The following TFEC variants were observed in gnomAD, a reference collection of about 807,000 sequenced individuals.
TFEC encodes the protein transcription factor EC.
A neutral mutation model predicts 41.6 loss-of-function variants in TFEC; 31 were observed. The observed-to-expected ratio is 0.74, with a 90% CI of 0.56 to 1.01. The LOEUF is 1.01. TFEC is among the 50% of genes least tolerant of loss of function. The probability of loss-of-function intolerance (pLI) is 0.00; values close to 1 mark genes in which losing one functional copy is unlikely to be tolerated. For missense variants in TFEC, 402 were observed against 404.1 expected (o/e 0.99, Z 0.04); for synonymous variants, 143 against 140.6 (o/e 1.02, Z -0.12).
At chr7:115,994,034 C>A (rs1794245633) in intron 1 of TFEC, among the ~76,000 whole-genome samples, 1 of 151,940 alleles carries the variant, frequency 6.6e-6, no homozygotes, top group Non-Finnish European at 1.5e-5. Context: ...GAGAACAGAG[C>A]CCTCAGAAAT....
At chr7:116,150,538 A>C (rs1199418943) in intron 1 of TFEC, among the ~76,000 whole-genome samples, 1 of 151,896 alleles carries the variant, frequency 6.6e-6, no homozygotes, top group Non-Finnish European at 1.5e-5. Context: ...AAAAACTATG[A>C]CCTACCTTTC....
chr7:115,942,611 A>AT (rs917997916), intron 6 of TFEC, among the ~76,000 whole-genome samples: 3 of 151,864 alleles, frequency 2.0e-5, no homozygotes, highest in East Asian at 3.9e-4. Context: ...CCATTCAGTC[A>AT]TTTTTTTTCT....
At chr7:116,101,808 G>A (rs936409619) in intron 3 of TFEC, among the ~76,000 whole-genome samples, 1 of 152,124 alleles carries the variant, frequency 6.6e-6, no homozygotes, top group Non-Finnish European at 1.5e-5. Context: ...TCTGAAATGG[G>A]ATGCAAGTAA....
chr7:116,073,597 T>C (rs1422697921), intron 3 of TFEC, among the ~76,000 whole-genome samples: 1 of 151,886 alleles, frequency 6.6e-6, no homozygotes, highest in Non-Finnish European at 1.5e-5. Context: ...TCCACCAAGA[T>C]TTGAGAAAGT....
chr7:116,047,845 C>G (rs1437504082), intron 3 of TFEC, among the ~76,000 whole-genome samples: 1 of 152,118 alleles, frequency 6.6e-6, no homozygotes, highest in Admixed American at 6.6e-5. Flanking sequence ...CGTTCTGCAG[C>G]CTCCACTGGT....
intron 3 of TFEC, among the ~76,000 whole-genome samples, chr7:116,082,559 TAAAG>T (rs917116209): frequency 6.6e-5 from 10 of 152,022 alleles, no homozygotes; most frequent in African/African-American, 2.4e-4. Context: ...TGATCTAAAA[TAAAG>T]AAACTATGCT....
At chr7:116,076,491 A>G (rs1796963157) in intron 3 of TFEC, among the ~76,000 whole-genome samples, 1 of 152,146 alleles carries the variant, frequency 6.6e-6, no homozygotes. Flanking sequence ...GACGCCAGAG[A>G]AAAGTGAAGT....
chr7:116,130,165 T>C (rs927853341), intron 1 of TFEC, among the ~76,000 whole-genome samples: 4 of 152,006 alleles, frequency 2.6e-5, no homozygotes, highest in African/African-American at 9.7e-5. Flanking sequence ...TAACCAATTG[T>C]GGGGTGTGTT....
Position 115,995,940 on chromosome 7 carries a change from T to C in TFEC, c.-72-11427A>G, listed in dbSNP as rs558774729. Among the ~76,000 whole-genome samples the C allele has an allele frequency of 1.4e-4, 22 of 152,330 alleles. No homozygotes were observed. The East Asian group carries it at 3.9e-3, about 27-fold the overall frequency. ...ATTCCAGTGGTCAGAAGTTTAGTTC[T>C]TGCAAGTCTCACCACCATGGGTAAA... On this transcript the variant is annotated intron_variant, in intron 1 of 7. Coordinates refer to ENST00000265440, the MANE Select transcript of TFEC (RefSeq NM_012252.4).
chr7:115,965,514 C>T (rs185758349), intron 3 of TFEC, among the ~76,000 whole-genome samples: 115 of 151,508 alleles, frequency 7.6e-4, no homozygotes, highest in Non-Finnish European at 9.2e-4. Context: ...AAATAGCACC[C>T]TTTTTTTTCT....
chr7:116,075,531 TGG>T (rs1796937821), intron 3 of TFEC, among the ~76,000 whole-genome samples: 1 of 152,096 alleles, frequency 6.6e-6, no homozygotes, highest in African/African-American at 2.4e-5. Flanking sequence ...TTGGTGCTGT[TGG>T]GGGTGGGGCA....
intron 3 of TFEC, among the ~76,000 whole-genome samples, chr7:116,108,294 G>C (rs1797765676): frequency 6.6e-6 from 1 of 152,104 alleles, no homozygotes; most frequent in African/African-American, 2.4e-5. Context: ...AATAAAGCAA[G>C]TATTATTGAT....
At chr7:116,044,298 C>A (rs1488111138) in intron 3 of TFEC, among the ~76,000 whole-genome samples, 2 of 152,238 alleles carry the variant, frequency 1.3e-5, no homozygotes, top group African/African-American at 2.4e-5. Flanking sequence ...TGTGTTACCC[C>A]TTTTCTAATT....
chr7:116,041,785 T>TATGTG (rs1457916739), intron 3 of TFEC, among the ~76,000 whole-genome samples: 1 of 152,086 alleles, frequency 6.6e-6, no homozygotes, highest in Non-Finnish European at 1.5e-5. Context: ...CAGACACAGG[T>TATGTG]CTGAAACAAA....
At position 115,941,916 on chromosome 7, in the gene TFEC, T is replaced by C. The variant is rs1584544860; in HGVS notation, c.640A>G (p.Arg214Gly). 2 of 1,613,252 alleles carry C rather than the reference T, an allele frequency of 1.2e-6. No homozygotes were observed. The highest frequency in any genetic ancestry group is 1.7e-6 in the Non-Finnish European group (2 of 1,179,444). ...HRQKKLEQAN[R>G]RLLLRIQELE... ...ACCTGAATCCGAAGTAGAAGTCGCCTGTTAGCCTGCTCTAATTTCTTCTGT... is the reference window on the plus strand; with the variant it reads ...ACCTGAATCCGAAGTAGAAGTCGCCCGTTAGCCTGCTCTAATTTCTTCTGT... Residue 214 changes from arginine to glycine, a missense_variant, in exon 7 of 8, where the codon AGG (arginine) becomes GGG (glycine). Transcript: ENST00000265440.
At chr7:116,006,598 C>A (rs936125639) in intron 1 of TFEC, among the ~76,000 whole-genome samples, 1 of 152,016 alleles carries the variant, frequency 6.6e-6, no homozygotes, top group African/African-American at 2.4e-5. Context: ...GGCTCATAGG[C>A]GAAGGGACTT....
chr7:116,102,398 G>C (rs1459336228), intron 3 of TFEC, among the ~76,000 whole-genome samples: 2 of 152,180 alleles, frequency 1.3e-5, no homozygotes, highest in Admixed American at 6.6e-5. Context: ...GATGATGACT[G>C]ATCTCTGAGG....
chr7:116,093,335 G>A (rs1189272158), intron 3 of TFEC, among the ~76,000 whole-genome samples: 2 of 151,870 alleles, frequency 1.3e-5, no homozygotes, highest in African/African-American at 4.8e-5. Context: ...ATATTTCAAG[G>A]GCACACATAT....
At chr7:116,012,916 T>TA (rs1189724250) in intron 1 of TFEC, among the ~76,000 whole-genome samples, 1 of 151,874 alleles carries the variant, frequency 6.6e-6, no homozygotes, top group Non-Finnish European at 1.5e-5. Flanking sequence ...TATGGGTTGA[T>TA]ATATGATCAT....
Sources: gnomAD v4.1 joint callset for allele counts (sites outside exome capture counted in the v4.1 genomes callset) on GRCh38, gnomAD v4.1.1 for gene constraint, MANE v1.5 for transcripts, NCBI Gene and HGNC (gene_info 2026-07-23, HGNC 2026-07-21) for gene names.